The following CTIF variants were observed in gnomAD, a reference collection of about 807,000 sequenced individuals.
The protein encoded by CTIF is CBP80/20-dependent translation initiation factor.
Under a neutral mutation model 66.0 loss-of-function variants are expected in CTIF, and 21 were observed. That is an observed-to-expected ratio of 0.32 (90% CI 0.23 to 0.46). CTIF has a LOEUF of 0.46. Among genes scored for constraint, CTIF ranks in the 20% least tolerant of loss-of-function variants. The pLI is 1.00. For synonymous variants in CTIF, 345 were observed against 326.4 expected (o/e 1.06, Z -0.62); for missense variants, 739 against 812.7 (o/e 0.91, Z 1.10).
At chr18:48,554,612 TC>T (rs1385169690) in intron 1 of CTIF, among the ~76,000 whole-genome samples, 1 of 152,254 alleles carries the variant, frequency 6.6e-6, no homozygotes, top group African/African-American at 2.4e-5. Context: ...ATGGCCCCTT[TC>T]CCAAGTTCTC....
intron 1 of CTIF, among the ~76,000 whole-genome samples, chr18:48,610,313 C>T (rs998509781): frequency 1.3e-5 from 2 of 152,120 alleles, no homozygotes; most frequent in Non-Finnish European, 2.9e-5. Context: ...CTTCTATGGG[C>T]TTTGGGGGCA....
In CTIF at chr18:48,737,909, C is replaced by A. The variant is rs183854382; in HGVS notation, c.585-20010C>A. 4.0e-4 allele frequency among the ~76,000 whole-genome samples: 61 copies of A among 152,390 alleles called. No homozygotes were observed. In the Middle Eastern group the frequency reaches 0.01, roughly 25 times the overall value. On this transcript the variant is annotated intron_variant, in intron 7 of 11. Coordinates refer to ENST00000256413, the MANE Select transcript of CTIF (RefSeq NM_014772.3). The stretch of plus-strand genomic sequence containing the variant: ...AAACCTTTTGCTATGCCTGAGAGGG[C>A]AGGCACCTGCATGAGCTAAGGCATC...
At chr18:48,624,548 T>G (rs1421216214) in intron 2 of CTIF, among the ~76,000 whole-genome samples, 1 of 152,258 alleles carries the variant, frequency 6.6e-6, no homozygotes, top group African/African-American at 2.4e-5. Context: ...GCACATGTGA[T>G]GTTCGTGGAT....
intron 9 of CTIF, among the ~76,000 whole-genome samples, chr18:48,809,490 A>G (rs1268713915): frequency 2.0e-5 from 3 of 152,126 alleles, no homozygotes; most frequent in Admixed American, 2.0e-4. Flanking sequence ...TTGGGATTTT[A>G]TATCTATTCA....
chr18:48,684,402 AT>A (rs1016708846), intron 6 of CTIF, among the ~76,000 whole-genome samples: 40 of 151,830 alleles, frequency 2.6e-4, no homozygotes, highest in African/African-American at 8.9e-4. Context: ...TGTTTTTACT[AT>A]TTTTTTCTAG....
intron 9 of CTIF, among the ~76,000 whole-genome samples, chr18:48,779,222 C>T (rs886311054): frequency 1.3e-5 from 2 of 152,214 alleles, no homozygotes; most frequent in Non-Finnish European, 2.9e-5. Flanking sequence ...TGCCATTGGG[C>T]CAGCTCTCTG....
intron 7 of CTIF, among the ~76,000 whole-genome samples, chr18:48,751,794 C>G (rs751878086): frequency 1.3e-5 from 2 of 152,156 alleles, no homozygotes; most frequent in Admixed American, 6.5e-5. Flanking sequence ...CACCCTGCCT[C>G]CACCCCAACT....
intron 9 of CTIF, among the ~76,000 whole-genome samples, chr18:48,788,217 A>C (rs1446606338): frequency 1.3e-5 from 2 of 152,184 alleles, no homozygotes; most frequent in Non-Finnish European, 2.9e-5. Context: ...GGAAAGAATC[A>C]GTAACAGCAA....
chr18:48,825,086 C>G (rs1333000930), intron 10 of CTIF, among the ~76,000 whole-genome samples: 1 of 152,188 alleles, frequency 6.6e-6, no homozygotes, highest in African/African-American at 2.4e-5. Flanking sequence ...CCTCCTGTCT[C>G]TTTGGAGTCC....
At chr18:48,748,170 G>A (rs1907436153) in intron 7 of CTIF, among the ~76,000 whole-genome samples, 2 of 152,016 alleles carry the variant, frequency 1.3e-5, no homozygotes, top group Admixed American at 1.3e-4. Context: ...CAGTCTCTTG[G>A]AGTGAAGAGC....
Position 48,860,203 on chromosome 18 carries a change from G to C in CTIF, c.*644G>C, listed in dbSNP as rs2069432905. On this transcript the variant is annotated 3_prime_UTR_variant, in exon 12 of 12. Transcript: ENST00000256413. ...CACAGCCTCAGGCCTAGGGGGTCAG[G>C]CGCAGCGGGGGAGATGGAGTTTGCA... 5.9e-6 allele frequency: 2 copies of C among 341,110 alleles called. No homozygotes were observed. The highest frequency in any genetic ancestry group is 7.7e-5 in the Admixed American group (2 of 26,066). The allele number at this position is 341,110 out of a possible 1,614,324, so 21.1% of individuals were successfully genotyped here. A position where few individuals can be genotyped will look rare whatever the true frequency, so the allele number is the denominator to read the frequency against.
rs61221781 is a variant in CTIF, at chr18:48,832,173, C to CTTTTTTT, written c.1527+14807_1527+14813dup. ...GCAGGGTCTGGAAAACGTGGTCCTT[C>CTTTTTTT]TTTTTTTTTTTTTTTTAAGACAGGG... On this transcript the variant is annotated intron_variant, in intron 10 of 11. Transcript: ENST00000256413. 4.8e-4 allele frequency among the ~76,000 whole-genome samples: 61 copies of CTTTTTTT among 128,286 alleles called. 3 individuals carry two copies. The highest frequency in any genetic ancestry group is 1.7e-3 in the African/African-American group (52 of 31,436). The allele number at this position is 128,286 out of a possible 152,430, so 84.2% of individuals were successfully genotyped here.
At chr18:48,678,426 A>T (rs1009296847) in intron 6 of CTIF, among the ~76,000 whole-genome samples, 2 of 151,964 alleles carry the variant, frequency 1.3e-5, no homozygotes, top group African/African-American at 2.4e-5. Context: ...CCCACCCCCA[A>T]GTGCTTCCTC....
chr18:48,662,631 C>G (rs1380608355), intron 3 of CTIF: 2 of 151,518 alleles, frequency 1.3e-5, no homozygotes, highest in African/African-American at 2.4e-5. Context: ...GTGCCCTCTC[C>G]TTCTAGTTAA....
At chr18:48,588,773 G>A (rs566904872) in intron 1 of CTIF, among the ~76,000 whole-genome samples, 2 of 152,222 alleles carry the variant, frequency 1.3e-5, no homozygotes, top group East Asian at 1.9e-4. Context: ...GGCTCCCTGC[G>A]GGAGTCACTG....
chr18:48,604,237 T>C (rs1416523344), intron 1 of CTIF, among the ~76,000 whole-genome samples: 2 of 119,794 alleles, frequency 1.7e-5, no homozygotes, highest in Middle Eastern at 8.5e-3. Context: ...AGTGCAGTGG[T>C]GTGATCTTGG....
chr18:48,781,364 T>C (rs1320500627), intron 9 of CTIF, among the ~76,000 whole-genome samples: 1 of 151,986 alleles, frequency 6.6e-6, no homozygotes, highest in African/African-American at 2.4e-5. Flanking sequence ...GGCGTCACAG[T>C]CTAGGGCAAA....
At chr18:48,720,039 A>T (rs1568162865) in intron 7 of CTIF, among the ~76,000 whole-genome samples, 1 of 152,216 alleles carries the variant, frequency 6.6e-6, no homozygotes, top group Non-Finnish European at 1.5e-5. Flanking sequence ...GGCTTGCAGG[A>T]ACCAAACCCC....
At chr18:48,560,982 T>C (rs1278687812) in intron 1 of CTIF, among the ~76,000 whole-genome samples, 1 of 152,180 alleles carries the variant, frequency 6.6e-6, no homozygotes, top group Admixed American at 6.5e-5. Context: ...CTCACGCCTG[T>C]AATCCTAGCA....
Sources: allele counts gnomAD v4.1 joint callset (sites outside exome capture counted in the v4.1 genomes callset), GRCh38; gene constraint gnomAD v4.1.1; transcripts MANE v1.5; gene names NCBI Gene and HGNC (gene_info 2026-07-23, HGNC 2026-07-21).